Variants in CHD8 observed in about 807,000 individuals in gnomAD.
The protein encoded by CHD8 is chromodomain helicase DNA binding protein 8.
A neutral mutation model predicts 279.2 loss-of-function variants in CHD8; 31 were observed. That is an observed-to-expected ratio of 0.11 (90% CI 0.08 to 0.15). The LOEUF is 0.15. Among genes scored for constraint, CHD8 ranks in the 10% least tolerant of loss-of-function variants. The probability of loss-of-function intolerance (pLI) is 1.00; values close to 1 mark genes in which losing one functional copy is unlikely to be tolerated. For synonymous variants in CHD8, 1,081 were observed against 1,139.6 expected (o/e 0.95, Z 1.04); for missense variants, 2,146 against 3,230.5 (o/e 0.66, Z 8.14).
intron 37 of CHD8, among the ~76,000 whole-genome samples, chr14:21,387,659 AGCT>A (rs1226726103): frequency 6.0e-5 from 9 of 148,968 alleles, no homozygotes; most frequent in Non-Finnish European, 1.0e-4. Flanking sequence ...AAAAAAAAAA[AGCT>A]GGGTGTGGTC....
At chr14:21,424,813 A>T (rs1265411803) in intron 5 of CHD8, among the ~76,000 whole-genome samples, 1 of 152,194 alleles carries the variant, frequency 6.6e-6, no homozygotes, top group Non-Finnish European at 1.5e-5. Context: ...AAACCCAAGT[A>T]TCAGTTTGTC....
chr14:21,395,447 G>T (rs1887739412), intron 28 of CHD8, 95 bp from the exon 29 acceptor site: 3 of 791,048 alleles, frequency 3.8e-6, no homozygotes, highest in Non-Finnish European at 6.3e-6. Flanking sequence ...GTCCTTCTAT[G>T]GCACCAAGGG....
At chr14:21,434,800 C>T (rs541802395) in intron 1 of CHD8, among the ~76,000 whole-genome samples, 80 of 152,278 alleles carry the variant, frequency 5.3e-4, no homozygotes, top group African/African-American at 1.8e-3. Context: ...TTGACTCTTA[C>T]AAGATTAAAC....
In CHD8 at chr14:21,437,678, A is replaced by G. The variant is rs74034920; in HGVS notation, c.-215-5820T>C. Among the ~76,000 whole-genome samples, 569 of 152,242 alleles carry G rather than the reference A, an allele frequency of 3.7e-3. 1 individual carries two copies. Among genetic ancestry groups the G allele is most frequent in the African/African-American group, 0.013 (547 of 41,536 alleles). ...TCCTGTAGTGACTACACCGTATCCC[A>G]CTACCTAATAAAAGGGGCCAAATCT... On this transcript the variant is annotated intron_variant, in intron 1 of 37. Coordinates refer to ENST00000646647, the MANE Select transcript of CHD8 (RefSeq NM_001170629.2).
Position 21,393,259 on chromosome 14 carries a change from T to G in CHD8, c.6320-5A>C, listed in dbSNP as rs766602679. The G allele has an allele frequency of 6.2e-7, 1 of 1,613,902 alleles. No homozygotes were observed. Among genetic ancestry groups the G allele is most frequent in the Non-Finnish European group, 8.5e-7 (1 of 1,179,854 alleles). On this transcript the variant is annotated splice_polypyrimidine_tract_variant and splice_region_variant and intron_variant, in intron 32 of 37. Transcript: ENST00000646647. Reference sequence around the variant, plus strand: ...GCTTTGAGCGGGACTGGTCAGCTGGTAAGAGAGCCCATAGAATGTGTGAGA... The same window carrying G: ...GCTTTGAGCGGGACTGGTCAGCTGGGAAGAGAGCCCATAGAATGTGTGAGA...
At chr14:21,454,157 CAAAAAAAAAGAAAAG>C (rs1316233862) in intron 1 of CHD8, among the ~76,000 whole-genome samples, 1 of 56,448 alleles carries the variant, frequency 1.8e-5, no homozygotes, top group Admixed American at 1.8e-4. Context: ...GACTCCGTCT[CAAAAAAAAAGAAAAG>C]AAAAGAAAAG....
chr14:21,386,565 C>T (rs776917794), intron 37 of CHD8, among the ~76,000 whole-genome samples: 9 of 152,116 alleles, frequency 5.9e-5, no homozygotes, highest in African/African-American at 9.7e-5. Flanking sequence ...TGACCGGGCG[C>T]GGTGGCTCAC....
chr14:21,395,889 A>G lies in CHD8; in HGVS notation c.5055T>C (p.Val1685=), dbSNP rs746279854. The G allele has an allele frequency of 2.5e-6, 4 of 1,608,848 alleles. No homozygotes were observed. Among genetic ancestry groups the G allele is most frequent in the Non-Finnish European group, 3.4e-6 (4 of 1,175,640 alleles). Residue 1685 remains valine (V), a synonymous_variant, in exon 28 of 38, where the codon GTT becomes GTC. Coordinates refer to ENST00000646647, the MANE Select transcript of CHD8 (RefSeq NM_001170629.2). The stretch of plus-strand genomic sequence containing the variant: ...GATCTTCACAATCTTTATCAAAGTC[A>G]ACCCTAAAATTATGGAGAGGCACAA... The part of the protein sequence containing the change: ...LDNFSDIVEG[V]DFDKDCEDPE...
chr14:21,437,304 T>C (rs765439141), intron 1 of CHD8: 31 of 1,130,356 alleles, frequency 2.7e-5, no homozygotes, highest in Non-Finnish European at 3.3e-5. Flanking sequence ...GCGCCATCAT[T>C]GGCTGAAGCG....
intron 5 of CHD8, 156 bp from the exon 6 acceptor site, chr14:21,416,063 T>C: frequency 1.5e-6 from 1 of 663,816 alleles, no homozygotes; most frequent in South Asian, 1.9e-5. Flanking sequence ...TCAAACAATG[T>C]GATTATGCTA....
chr14:21,405,184 A>G lies in CHD8; in HGVS notation c.3307+25T>C, dbSNP rs1252044321. ...GTAAACACAGGTACTACAGAAGTTC[A>G]GGTATATACCAAGCATTCCCTCACC... On this transcript the variant is annotated intron_variant, in intron 16 of 37. Transcript: ENST00000646647. This position sits in a 1 kb window ranked among gnomAD's most constrained non-coding sequence, Gnocchi z 4.2. The G allele has an allele frequency of 6.2e-7, 1 of 1,607,468 alleles. No homozygotes were observed.
intron 1 of CHD8, 70 bp from the exon 2 acceptor site, chr14:21,431,928 T>C: frequency 1.1e-6 from 1 of 940,534 alleles, no homozygotes; most frequent in Admixed American, 1.8e-5. Flanking sequence ...TTTTCCCTTC[T>C]TACGTACTGT....
intron 1 of CHD8, among the ~76,000 whole-genome samples, chr14:21,448,973 G>C (rs1890192975): frequency 6.6e-6 from 1 of 151,638 alleles, no homozygotes; most frequent in Non-Finnish European, 1.5e-5. Context: ...AGGAGATCGA[G>C]ACCATCCTGG....
At chr14:21,437,646 A>C (rs567180468) in intron 1 of CHD8, among the ~76,000 whole-genome samples, 2 of 151,808 alleles carry the variant, frequency 1.3e-5, no homozygotes, top group African/African-American at 4.8e-5. Context: ...AGCCCTGTCA[A>C]CCCCTCTCCT....
intron 1 of CHD8, among the ~76,000 whole-genome samples, chr14:21,448,892 G>A (rs1890189724): frequency 6.6e-6 from 1 of 150,724 alleles, no homozygotes; most frequent in Non-Finnish European, 1.5e-5. Context: ...GGAGGAGGCT[G>A]GGCTGGGCAC....
chr14:21,413,041 T>C, intron 9 of CHD8, 45 bp from the exon 10 acceptor site: 1 of 1,175,980 alleles, frequency 8.5e-7, no homozygotes, highest in Non-Finnish European at 1.3e-6. Flanking sequence ...AAGATCACTG[T>C]CCAGTAAACC....
chr14:21,390,893 T>TG, intron 37 of CHD8, 54 bp downstream of exon 37: 2 of 857,312 alleles, frequency 2.3e-6, no homozygotes, highest in South Asian at 2.9e-5. Flanking sequence ...TTGAAAGACT[T>TG]GTAATCTCAC....
intron 10 of CHD8, 101 bp from the exon 11 acceptor site, chr14:21,410,089 G>T: frequency 8.6e-7 from 1 of 1,160,162 alleles, no homozygotes; most frequent in Non-Finnish European, 1.2e-6. Context: ...CAAAGTATCA[G>T]TACCTAGAAG....
chr14:21,426,245 A>G lies in CHD8; in HGVS notation c.1602-3T>C. On this transcript the variant is annotated splice_region_variant and splice_polypyrimidine_tract_variant and intron_variant, in intron 4 of 37. Coordinates refer to ENST00000646647, the MANE Select transcript of CHD8 (RefSeq NM_001170629.2). ...TACCCACTACAGGAGTGATGGTGCT[A>G]AAAAGGAAAAACCAAATTCATTTTC... The G allele has an allele frequency of 1.3e-6, 2 of 1,499,520 alleles. No homozygotes were observed. The highest frequency in any genetic ancestry group is 2.3e-5 in the East Asian group (1 of 44,192). The allele number at this position is 1,499,520 out of a possible 1,614,324, so 92.9% of individuals were successfully genotyped here.
Sources: allele counts gnomAD v4.1 joint callset (sites outside exome capture counted in the v4.1 genomes callset), GRCh38; gene constraint gnomAD v4.1.1; non-coding constraint Gnocchi (gnomAD v3.1); transcripts MANE v1.5; gene names NCBI Gene and HGNC (gene_info 2026-07-23, HGNC 2026-07-21).